FAM111B: variants seen among roughly 807,000 people sequenced by gnomAD.
FAM111B encodes FAM111 trypsin like peptidase B, also known as serine protease FAM111B.
FAM111B carries 1 observed loss-of-function variant against 2.8 expected under a neutral mutation model. That is an observed-to-expected ratio of 0.36 (90% CI 0.13 to 1.70). FAM111B has a LOEUF of 1.70. Ranked by LOEUF, FAM111B falls within the 40% of genes most tolerant of loss-of-function variation. The probability of loss-of-function intolerance (pLI) is 0.35; values close to 1 mark genes in which losing one functional copy is unlikely to be tolerated. For synonymous variants in FAM111B, 297 were observed against 295.6 expected, an observed-to-expected ratio of 1.00 and a Z score of -0.05; for missense variants, 882 against 878.9, an observed-to-expected ratio of 1.00 and a Z score of -0.04.
chr11:59,125,243 G>A lies in FAM111B; in HGVS notation c.1146G>A (p.Lys382=). The change falls in exon 4 of 4, where the codon AAG becomes AAA. Residue 382 remains lysine, a synonymous_variant. Coordinates refer to ENST00000343597, the MANE Select transcript of FAM111B (RefSeq NM_198947.4). ...RRYAINLDVQ[K]EAINLLKNYQ... ...ATGCTATTAATCTGGATGTCCAAAA[G>A]GAGGCAATTAATCTCTTAAAGAATT... is the stretch of plus-strand genomic sequence containing the variant. 6.2e-7 allele frequency: 1 copy of A among 1,613,906 alleles called. No homozygotes were observed. The highest frequency in any genetic ancestry group is 8.5e-7 in the Non-Finnish European group (1 of 1,179,842).
intron 3 of FAM111B, among the ~76,000 whole-genome samples, chr11:59,120,270 G>T (rs1425381463): frequency 6.6e-6 from 1 of 152,184 alleles, no homozygotes; most frequent in Non-Finnish European, 1.5e-5. Context: ...AACAGAGAGA[G>T]TAGAGACAGA....
rs553481980 is a variant in FAM111B at position 59,111,184 on chromosome 11, G to T, written c.81+1478G>T. Among the ~76,000 whole-genome samples the T allele has an allele frequency of 2.6e-4, 40 of 152,234 alleles. 1 individual carries two copies. The South Asian group carries it at 7.9e-3, about 30-fold the overall frequency. The stretch of plus-strand genomic sequence containing the variant: ...TATAATGAGTCTATCCTGGTTTCCT[G>T]AGGAAACTTCTCTTTGCCATCTAAT... On this transcript the variant is annotated intron_variant, in intron 3 of 3. Coordinates refer to ENST00000343597, the MANE Select transcript of FAM111B (RefSeq NM_198947.4).
chr11:59,125,845 A>G lies in FAM111B; in HGVS notation c.1748A>G (p.Gln583Arg). ...TATTTAATTGGTCATCCTGAAGGCC[A>G]GATCAAGAAAATAGATGGTTGTACT... The part of the protein sequence containing the change: ...LIYLIGHPEG[Q>R]IKKIDGCTVI... The change falls in exon 4 of 4, where the codon CAG becomes CGG. Residue 583 changes from glutamine to arginine, a missense_variant. Gln to Arg is a conservative substitution (Grantham distance 43, BLOSUM62 1). Coordinates refer to ENST00000343597, the MANE Select transcript of FAM111B (RefSeq NM_198947.4). 6.2e-7 allele frequency: 1 copy of G among 1,613,956 alleles called. No individual in the cohort carries two copies. Among genetic ancestry groups the G allele is most frequent in the South Asian group, 1.1e-5 (1 of 91,080 alleles).
In FAM111B at chr11:59,107,309, T is replaced by A. The variant is rs1231084511; in HGVS notation, c.-132+13T>A. On this transcript the variant is annotated intron_variant, in intron 1 of 3. Transcript: ENST00000343597. ...ACTCTCCGGTTCTGTGAGTGGTTTT[T>A]CTTTTCCCGGGTCGGACCTGGAGTT... is the stretch of plus-strand genomic sequence containing the variant. 6.6e-6 allele frequency: 1 copy of A among 152,426 alleles called. No homozygotes were observed. Among genetic ancestry groups the A allele is most frequent in the African/African-American group, 2.4e-5 (1 of 41,448 alleles). 9.4% of individuals were successfully genotyped at this position (152,426 alleles called of 1,614,324 possible). A position where few individuals can be genotyped will look rare whatever the true frequency, so the allele number is the denominator to read the frequency against.
rs11229817 is a variant in FAM111B, at chr11:59,114,563, C to T, written c.81+4857C>T. 2.3e-4 allele frequency among the ~76,000 whole-genome samples: 35 copies of T among 152,306 alleles called. No individual in the cohort carries two copies. In the East Asian group the frequency reaches 5.6e-3, roughly 24 times the overall value. The stretch of plus-strand genomic sequence containing the variant: ...ACAAGTAGGTTTTGACCCTAAAACC[C>T]AAGCACCTTAGCACTGACAGGAACT... On this transcript the variant is annotated intron_variant, in intron 3 of 3. Transcript: ENST00000343597.
intron 3 of FAM111B, among the ~76,000 whole-genome samples, chr11:59,117,480 C>T (rs577696333): frequency 6.6e-6 from 1 of 152,266 alleles, no homozygotes; most frequent in Admixed American, 6.5e-5. Flanking sequence ...AGGTTCCACC[C>T]CCTTCACACT....
In FAM111B at chr11:59,124,689, A is replaced by G; in HGVS notation, c.592A>G (p.Ile198Val). Residue 198 changes from isoleucine (I) to valine (V), a missense_variant, in exon 4 of 4, where the codon ATT becomes GTT. Transcript: ENST00000343597. ...VVAIGRTRKKIVKINELHEKG... is the reference protein window; with the variant it reads ...VVAIGRTRKKVVKINELHEKG... ...TGCTATAGGAAGGACAAGAAAGAAGATTGTTAAGATCAACGAACTTCATGA... is the reference window on the plus strand; with the variant it reads ...TGCTATAGGAAGGACAAGAAAGAAGGTTGTTAAGATCAACGAACTTCATGA... 1 of 1,613,794 alleles carries G rather than the reference A, an allele frequency of 6.2e-7. No homozygotes were observed. Among genetic ancestry groups the G allele is most frequent in the South Asian group, 1.1e-5 (1 of 91,034 alleles).
At chr11:59,117,481 C>T (rs950768127) in intron 3 of FAM111B, among the ~76,000 whole-genome samples, 9 of 152,156 alleles carry the variant, frequency 5.9e-5, no homozygotes, top group Admixed American at 5.9e-4. Flanking sequence ...GGTTCCACCC[C>T]CTTCACACTT....
Position 59,125,847 on chromosome 11 carries a change from A to G in FAM111B, c.1750A>G (p.Ile584Val), listed in dbSNP as rs1214631157. The G allele has an allele frequency of 1.2e-6, 2 of 1,613,952 alleles. No individual in the cohort carries two copies. Among genetic ancestry groups the G allele is most frequent in the South Asian group, 2.2e-5 (2 of 91,078 alleles). The change falls in exon 4 of 4, where the codon ATC (isoleucine) becomes GTC (valine). Residue 584 changes from isoleucine to valine, a missense_variant. Ile to Val is a conservative substitution (Grantham distance 29). Coordinates refer to ENST00000343597, the MANE Select transcript of FAM111B (RefSeq NM_198947.4). Reference sequence around the variant, plus strand: ...TTTAATTGGTCATCCTGAAGGCCAGATCAAGAAAATAGATGGTTGTACTGT... The same window carrying G: ...TTTAATTGGTCATCCTGAAGGCCAGGTCAAGAAAATAGATGGTTGTACTGT... ...IYLIGHPEGQ[I>V]KKIDGCTVIP...
chr11:59,116,110 G>A (rs754282204), intron 3 of FAM111B, among the ~76,000 whole-genome samples: 2 of 152,088 alleles, frequency 1.3e-5, no homozygotes, highest in African/African-American at 4.8e-5. Context: ...CCAAGGCCTC[G>A]AGACTGAGAA....
At chr11:59,120,421 G>C (rs554460916) in intron 3 of FAM111B, among the ~76,000 whole-genome samples, 1 of 152,278 alleles carries the variant, frequency 6.6e-6, no homozygotes, top group Non-Finnish European at 1.5e-5. Flanking sequence ...TGGGTGATTA[G>C]ATAATGAGGG....
At chr11:59,120,881 T>A (rs1043760327) in intron 3 of FAM111B, among the ~76,000 whole-genome samples, 3 of 152,140 alleles carry the variant, frequency 2.0e-5, no homozygotes, top group African/African-American at 7.2e-5. Flanking sequence ...GTTCAACCCA[T>A]AACAATCTTA....
At position 59,126,139 on chromosome 11, in the gene FAM111B, T is replaced by C. The variant is rs1469534885; in HGVS notation, c.2042T>C (p.Ile681Thr). 2.5e-6 allele frequency: 4 copies of C among 1,612,674 alleles called. No individual in the cohort carries two copies. Among genetic ancestry groups the C allele is most frequent in the East Asian group, 2.2e-5 (1 of 44,884 alleles). ...YQRGFNVHAL[I>T]EFGYSMDSIL... is the part of the protein sequence containing the mutation. ...CGAGGATTTAATGTGCATGCCCTTA[T>C]TGAATTTGGTTATTCTATGGATTCT... The change falls in exon 4 of 4, where the codon ATT becomes ACT. Residue 681 changes from isoleucine (I) to threonine (T), a missense_variant. By Grantham distance (89) the Ile-to-Thr change is moderately conservative (BLOSUM62 -1). Coordinates refer to ENST00000343597, the MANE Select transcript of FAM111B (RefSeq NM_198947.4).
At chr11:59,113,732 G>A (rs1378686530) in intron 3 of FAM111B, among the ~76,000 whole-genome samples, 2 of 152,178 alleles carry the variant, frequency 1.3e-5, no homozygotes, top group African/African-American at 2.4e-5. Flanking sequence ...AAACTGGATG[G>A]TCAAGATCAT....
At chr11:59,123,963 AAATC>A (rs1459578960) in intron 3 of FAM111B, among the ~76,000 whole-genome samples, 1 of 152,190 alleles carries the variant, frequency 6.6e-6, no homozygotes, top group African/African-American at 2.4e-5. Flanking sequence ...TCAGAAAACA[AAATC>A]AAAGTATACA....
chr11:59,118,377 G>C (rs1266605420), intron 3 of FAM111B, among the ~76,000 whole-genome samples: 1 of 152,130 alleles, frequency 6.6e-6, no homozygotes, highest in Non-Finnish European at 1.5e-5. Flanking sequence ...GGCTGCATTT[G>C]ATCACTCAGC....
chr11:59,118,720 G>T (rs1350656938), intron 3 of FAM111B, among the ~76,000 whole-genome samples: 1 of 152,136 alleles, frequency 6.6e-6, no homozygotes, highest in Non-Finnish European at 1.5e-5. Flanking sequence ...TAAGATTGAA[G>T]AAGTTTCCTT....
chr11:59,124,952 G>C lies in FAM111B; in HGVS notation c.855G>C (p.Gln285His), dbSNP rs775417936. 1 of 1,608,194 alleles carries C rather than the reference G, an allele frequency of 6.2e-7. No homozygotes were observed. The highest frequency in any genetic ancestry group is 8.5e-7 in the Non-Finnish European group (1 of 1,178,552). Residue 285 changes from glutamine to histidine, a missense_variant, in exon 4 of 4, where the codon CAG becomes CAC. By Grantham distance (24) the Gln-to-His change is conservative (BLOSUM62 0). Coordinates refer to ENST00000343597, the MANE Select transcript of FAM111B (RefSeq NM_198947.4). ...QQKDIHKKIK[Q>H]NESATDEINH... ...AAGATATCCATAAAAAAATTAAACA[G>C]AATGAAAGTGCCACTGATGAAATTA...
In FAM111B at chr11:59,124,635, A is replaced by T. The variant is rs1476966024; in HGVS notation, c.538A>T (p.Asn180Tyr). The T allele has an allele frequency of 3.1e-6, 5 of 1,613,832 alleles. No individual in the cohort carries two copies. The African/African-American group carries it at 6.7e-5, about 22-fold the overall frequency. ...CATATTACGCCAATGTGAAAATCCA[A>T]ACATGGAATGCATTCTTTTTCATGT... Reference protein sequence around the residue: ...GHILRQCENPNMECILFHVVA... With the variant: ...GHILRQCENPYMECILFHVVA... The change falls in exon 4 of 4, where the codon AAC becomes TAC. Residue 180 changes from asparagine to tyrosine, a missense_variant. By Grantham distance (143) the Asn-to-Tyr change is moderately radical (BLOSUM62 -2). Transcript: ENST00000343597.
Sources: gnomAD v4.1 joint callset for allele counts (sites outside exome capture counted in the v4.1 genomes callset) on GRCh38, gnomAD v4.1.1 for gene constraint, MANE v1.5 for transcripts, NCBI Gene and HGNC (gene_info 2026-07-23, HGNC 2026-07-21) for gene names.